CCDC171: variants seen among roughly 807,000 people sequenced by gnomAD.
CCDC171 encodes the protein coiled-coil domain-containing protein 171.
CCDC171 carries 177 observed loss-of-function variants against 168.2 expected under a neutral mutation model. The observed-to-expected ratio is 1.05, with a 90% confidence interval of 0.93 to 1.19. The LOEUF (loss-of-function observed/expected upper bound fraction) is 1.19. Among genes scored for constraint, CCDC171 ranks in the 50% most tolerant of loss-of-function variants. The pLI, the probability that CCDC171 is intolerant of heterozygous loss-of-function variation, is 0.00. For missense variants in CCDC171, 1,991 were observed against 1,539.0 expected (o/e 1.29, Z -4.91); for synonymous variants, 687 against 540.8 (o/e 1.27, Z -3.75).
At chr9:16,073,175 C>A in the CCDC171 span, among the ~76,000 whole-genome samples, 3 of 152,326 alleles carry the variant, frequency 2.0e-5, no homozygotes, top group Non-Finnish European at 4.4e-5. Flanking sequence ...AAATAAGGAA[C>A]TGGAGTCAGC....
In CCDC171 at chr9:15,744,654, G is replaced by A. The variant is rs752361393; in HGVS notation, c.2431G>A (p.Ala811Thr). Residue 811 changes from alanine (A) to threonine (T), a missense_variant, in exon 17 of 26, where the codon GCA (alanine) becomes ACA (threonine). Physicochemically the swap from Ala to Thr is moderately conservative, Grantham distance 58. Transcript: ENST00000380701. ...FRKGVIAVLA[A>T]NRLKILGQSC... ...GAAAGGTGTTATTGCTGTTTTGGCA[G>A]CAAACAGACTCAAGATTTTGGGCCA... 2.5e-6 allele frequency: 4 copies of A among 1,614,172 alleles called. No homozygotes were observed. The South Asian group carries it at 3.3e-5, about 13-fold the overall frequency.
intron 8 of CCDC171, among the ~76,000 whole-genome samples, chr9:15,665,625 A>T (rs1227176597): frequency 6.6e-6 from 1 of 152,132 alleles, no homozygotes; most frequent in African/African-American, 2.4e-5. Flanking sequence ...TACAAAAAAT[A>T]AAACAATTAG....
chr9:15,631,520 G>A (rs182800051), intron 7 of CCDC171, among the ~76,000 whole-genome samples: 21 of 152,240 alleles, frequency 1.4e-4, no homozygotes, highest in African/African-American at 4.6e-4. Context: ...TGAAATTGTG[G>A]CAATAGTCAA....
chr9:15,977,547 A>T (rs1163613041), downstream of CCDC171, among the ~76,000 whole-genome samples: 1 of 152,222 alleles, frequency 6.6e-6, no homozygotes, highest in Non-Finnish European at 1.5e-5. Context: ...GCCCTACAAC[A>T]TATAAAGCTT....
At chr9:15,655,230 A>G (rs1254982642) in intron 7 of CCDC171, among the ~76,000 whole-genome samples, 1 of 152,070 alleles carries the variant, frequency 6.6e-6, no homozygotes, top group Non-Finnish European at 1.5e-5. Context: ...TATAATGAAT[A>G]TTAATTTATT....
At chr9:16,024,551 A>G (rs928648282) in intron 6 of CCDC171, among the ~76,000 whole-genome samples, 6 of 152,252 alleles carry the variant, frequency 3.9e-5, no homozygotes, top group African/African-American at 1.4e-4. Context: ...AAGCCAGAGC[A>G]GATGAGGCAG....
At chr9:15,555,110 C>T (rs911398156) in intron 1 of CCDC171, among the ~76,000 whole-genome samples, 1 of 152,116 alleles carries the variant, frequency 6.6e-6, no homozygotes, top group African/African-American at 2.4e-5. Context: ...GTAGATTCGC[C>T]TTTCTGGCTG....
At chr9:15,682,593 C>G (rs1212056623) in intron 10 of CCDC171, among the ~76,000 whole-genome samples, 1 of 151,572 alleles carries the variant, frequency 6.6e-6, no homozygotes, top group African/African-American at 2.4e-5. Flanking sequence ...TCTTTTTATT[C>G]TAATTATACT....
At chr9:16,004,654 C>A (rs1287918912) in intron 3 of CCDC171, among the ~76,000 whole-genome samples, 1 of 152,184 alleles carries the variant, frequency 6.6e-6, no homozygotes, top group East Asian at 1.9e-4. Context: ...CCTTACTGAG[C>A]CACCGCCACA....
intron 3 of CCDC171, among the ~76,000 whole-genome samples, chr9:15,577,126 C>G (rs16933375): frequency 0.025 from 3,790 of 152,298 alleles, 161 homozygotes; most frequent in African/African-American, 0.087. Flanking sequence ...TGAAACTCTT[C>G]ATTGAACTTG....
intron 2 of CCDC171, among the ~76,000 whole-genome samples, chr9:15,567,660 A>G (rs1489572934): frequency 6.9e-6 from 1 of 144,854 alleles, no homozygotes; most frequent in South Asian, 2.2e-4. Flanking sequence ...ATCTTTCACT[A>G]TTTTTTTTTT....
intron 6 of CCDC171, among the ~76,000 whole-genome samples, chr9:15,597,650 C>T (rs991819569): frequency 6.6e-6 from 1 of 152,122 alleles, no homozygotes; most frequent in Non-Finnish European, 1.5e-5. Flanking sequence ...CAGGATGATG[C>T]TGGCCTCATA....
chr9:15,606,097 A>T (rs886335123), intron 6 of CCDC171, among the ~76,000 whole-genome samples: 1 of 152,198 alleles, frequency 6.6e-6, no homozygotes, highest in African/African-American at 2.4e-5. Flanking sequence ...TCATAACAAG[A>T]TACTATAATA....
intron 25 of CCDC171, among the ~76,000 whole-genome samples, chr9:15,947,806 T>A (rs79320127): frequency 0.021 from 3,115 of 150,794 alleles, 129 homozygotes; most frequent in African/African-American, 0.073. Flanking sequence ...TGCTTCCATA[T>A]TTTTTTTAAT....
chr9:15,722,082 C>T (rs1375814239), intron 12 of CCDC171, among the ~76,000 whole-genome samples: 1 of 152,174 alleles, frequency 6.6e-6, no homozygotes, highest in Non-Finnish European at 1.5e-5. Flanking sequence ...TCTTCAGTCA[C>T]ACTATTATTT....
chr9:15,737,796 A>T (rs2054594223), intron 16 of CCDC171, among the ~76,000 whole-genome samples: 1 of 152,160 alleles, frequency 6.6e-6, no homozygotes, highest in Non-Finnish European at 1.5e-5. Context: ...GTGTGTGTGT[A>T]TGAAGACTAG....
chr9:15,863,477 C>A (rs1187785727), intron 23 of CCDC171, among the ~76,000 whole-genome samples: 2 of 151,994 alleles, frequency 1.3e-5, no homozygotes, highest in Non-Finnish European at 2.9e-5. Context: ...ACTTTTGTCA[C>A]AAACAGAATT....
chr9:15,936,461 T>G (rs1329731482), intron 25 of CCDC171, among the ~76,000 whole-genome samples: 1 of 151,980 alleles, frequency 6.6e-6, no homozygotes, highest in Non-Finnish European at 1.5e-5. Context: ...CATCTGTTGA[T>G]CTTGGCAGAG....
Position 15,700,552 on chromosome 9 carries a change from G to T in CCDC171, c.1318+5215G>T, listed in dbSNP as rs111447825. The stretch of plus-strand genomic sequence containing the variant: ...CCAAGGTTCGAGCCCAGGCAGAGGA[G>T]GCGCCGAGAGCAAGCGAGGGCTGTG... On this transcript the variant is annotated intron_variant, in intron 11 of 25. Transcript: ENST00000380701. 6.6e-3 allele frequency among the ~76,000 whole-genome samples: 1,000 copies of T among 152,390 alleles called. 11 individuals carry two copies. Among genetic ancestry groups the T allele is most frequent in the African/African-American group, 0.023 (951 of 41,600 alleles).
Sources: gnomAD v4.1 joint callset for allele counts (sites outside exome capture counted in the v4.1 genomes callset) on GRCh38, gnomAD v4.1.1 for gene constraint, MANE v1.5 for transcripts, NCBI Gene and HGNC (gene_info 2026-07-23, HGNC 2026-07-21) for gene names.